Variants in KCNT2 observed in about 807,000 individuals in gnomAD.
KCNT2 encodes potassium sodium-activated channel subfamily T member 2.
In KCNT2, 67 loss-of-function variants were observed where a neutral mutation model predicts 153.8. The observed-to-expected ratio is 0.44, with a 90% CI of 0.36 to 0.53. The LOEUF is 0.53. KCNT2 is among the 20% of genes least tolerant of loss of function. The pLI is 0.00. For missense variants in KCNT2, 975 were observed against 1,354.8 expected (o/e 0.72, Z 4.40); for synonymous variants, 500 against 458.8 (o/e 1.09, Z -1.15).
At chr1:196,304,818 T>C (rs1661482568) in intron 22 of KCNT2, among the ~76,000 whole-genome samples, 1 of 152,164 alleles carries the variant, frequency 6.6e-6, no homozygotes, top group Admixed American at 6.6e-5. Flanking sequence ...TTTTCCTCCC[T>C]CTGAGACCTT....
intron 12 of KCNT2, among the ~76,000 whole-genome samples, chr1:196,419,338 C>A (rs1258912413): frequency 5.7e-5 from 6 of 105,358 alleles, no homozygotes; most frequent in African/African-American, 2.2e-4. Flanking sequence ...CCCCCCTCCC[C>A]CCACCCCACA....
intron 8 of KCNT2, among the ~76,000 whole-genome samples, chr1:196,435,907 G>A (rs1245333909): frequency 6.6e-6 from 1 of 151,510 alleles, no homozygotes; most frequent in Non-Finnish European, 1.5e-5. Flanking sequence ...TTGTTTAGAG[G>A]GGAATTTTGC....
At chr1:196,501,119 C>A (rs76181457) in intron 1 of KCNT2, among the ~76,000 whole-genome samples, 2,613 of 152,260 alleles carry the variant, frequency 0.017, 78 homozygotes, top group African/African-American at 0.059. Flanking sequence ...TAAGTTAGTA[C>A]AATCTCTATG....
At chr1:196,312,165 G>T (rs1016932711) in intron 21 of KCNT2, among the ~76,000 whole-genome samples, 5 of 151,630 alleles carry the variant, frequency 3.3e-5, no homozygotes, top group African/African-American at 1.2e-4. Flanking sequence ...GGGGAGAGAG[G>T]TACAACAGGA....
chr1:196,312,482 C>T (rs191446208), intron 21 of KCNT2, among the ~76,000 whole-genome samples: 26 of 151,830 alleles, frequency 1.7e-4, no homozygotes, highest in Admixed American at 1.6e-3. Context: ...AAAGGCCTGT[C>T]TAGGTCGTTC....
At position 196,333,873 on chromosome 1, in the gene KCNT2, T is replaced by C; in HGVS notation, c.1971A>G (p.Pro657=). Residue 657 remains proline (P), a synonymous_variant, in exon 17 of 28, where the codon CCA becomes CCG. Transcript: ENST00000294725. ...CTAAGTTTGAAGACATTTCTTCATC[T>C]GGTGTAGTTTCATCTTCTGATTGGT... The part of the protein sequence containing the change: ...LSDQSEDETT[P]DEEMSSNLEY... The C allele has an allele frequency of 1.2e-6, 2 of 1,610,478 alleles. No homozygotes were observed. The highest frequency in any genetic ancestry group is 1.7e-4 in the Middle Eastern group (1 of 6,038).
At chr1:196,367,742 T>C (rs1313372502) in intron 14 of KCNT2, among the ~76,000 whole-genome samples, 1 of 152,186 alleles carries the variant, frequency 6.6e-6, no homozygotes, top group African/African-American at 2.4e-5. Context: ...CCTTTCTCTA[T>C]TAAAAAGCTA....
At chr1:196,362,166 C>G (rs144974959) in intron 14 of KCNT2, among the ~76,000 whole-genome samples, 7 of 152,042 alleles carry the variant, frequency 4.6e-5, no homozygotes, top group Non-Finnish European at 1.0e-4. Flanking sequence ...ATTATAATCC[C>G]TATTACTTTT....
intron 12 of KCNT2, among the ~76,000 whole-genome samples, chr1:196,408,251 T>A (rs1396378110): frequency 6.6e-6 from 1 of 151,534 alleles, no homozygotes; most frequent in Non-Finnish European, 1.5e-5. Flanking sequence ...TACACCCTTA[T>A]CCAAGAAAAA....
At chr1:196,260,421 C>T (rs191450055) in intron 25 of KCNT2, among the ~76,000 whole-genome samples, 5 of 151,890 alleles carry the variant, frequency 3.3e-5, no homozygotes, top group African/African-American at 9.6e-5. Flanking sequence ...ACAAGATGAA[C>T]TGAAACCTAT....
At chr1:196,268,899 C>A (rs930427457) in intron 25 of KCNT2, among the ~76,000 whole-genome samples, 36 of 152,080 alleles carry the variant, frequency 2.4e-4, no homozygotes, top group African/African-American at 3.1e-4. Context: ...GAATTCTCCA[C>A]ACTGCCTCTG....
intron 14 of KCNT2, among the ~76,000 whole-genome samples, chr1:196,355,227 A>AG (rs960129438): frequency 6.6e-6 from 1 of 151,652 alleles, no homozygotes; most frequent in Non-Finnish European, 1.5e-5. Flanking sequence ...AAAAAAAAAA[A>AG]GACACCTTGG....
intron 12 of KCNT2, among the ~76,000 whole-genome samples, chr1:196,409,974 A>G (rs1036717101): frequency 6.6e-6 from 1 of 151,658 alleles, no homozygotes; most frequent in African/African-American, 2.4e-5. Context: ...CTTGATTTTG[A>G]TAATAACAAT....
At chr1:196,400,099 A>T (rs751563158) in intron 12 of KCNT2, among the ~76,000 whole-genome samples, 2 of 151,818 alleles carry the variant, frequency 1.3e-5, no homozygotes, top group Admixed American at 6.6e-5. Flanking sequence ...TATGTTCCTT[A>T]CAGGCAAATA....
rs551998390 is a variant in KCNT2 at position 196,378,593 on chromosome 1, T to TG, written c.1295-5346dup. On this transcript the variant is annotated intron_variant, in intron 13 of 27. Coordinates refer to ENST00000294725, the MANE Select transcript of KCNT2 (RefSeq NM_198503.5). ...AAAGAAAGAAAGAGAAAATGAATAC[T>TG]GGGGGAGAGAGTAGTTTTAACCATA... is the stretch of plus-strand genomic sequence containing the variant. Among the ~76,000 whole-genome samples the TG allele has an allele frequency of 3.3e-5, 5 of 151,506 alleles. No homozygotes were observed. The South Asian group carries it at 1.0e-3, about 31-fold the overall frequency.
chr1:196,473,468 C>G (rs1408113547), intron 5 of KCNT2, among the ~76,000 whole-genome samples: 1 of 152,156 alleles, frequency 6.6e-6, no homozygotes. Flanking sequence ...TACATTACGT[C>G]AACCATGGAT....
At chr1:196,473,748 C>A (rs930577654) in intron 5 of KCNT2, among the ~76,000 whole-genome samples, 14 of 152,026 alleles carry the variant, frequency 9.2e-5, no homozygotes, top group African/African-American at 3.4e-4. Flanking sequence ...AAAGGATCCA[C>A]AAGTTTCATT....
intron 12 of KCNT2, among the ~76,000 whole-genome samples, chr1:196,404,476 A>G (rs561262177): frequency 6.6e-6 from 1 of 151,756 alleles, no homozygotes; most frequent in South Asian, 2.1e-4. Context: ...CTATTTCCTC[A>G]GTCTTTGCAT....
chr1:196,234,565 C>G (rs545453623), intron 27 of KCNT2, among the ~76,000 whole-genome samples: 3 of 151,232 alleles, frequency 2.0e-5, no homozygotes, highest in African/African-American at 7.3e-5. Flanking sequence ...TTCACCCCAA[C>G]CCTAACCCAT....
Sources: gnomAD v4.1 joint callset for allele counts (sites outside exome capture counted in the v4.1 genomes callset) on GRCh38, gnomAD v4.1.1 for gene constraint, MANE v1.5 for transcripts, NCBI Gene and HGNC (gene_info 2026-07-23, HGNC 2026-07-21) for gene names.